Variants in TRRAP observed in about 807,000 individuals in gnomAD.
TRRAP encodes the protein transformation/transcription domain associated protein, also known as transformation/transcription domain-associated protein.
A neutral mutation model predicts 438.8 loss-of-function variants in TRRAP; 41 were observed. The ratio of observed to expected loss-of-function variants is 0.09; its 90% CI spans 0.07 to 0.12. TRRAP has a LOEUF of 0.12. Among genes scored for constraint, TRRAP ranks in the 10% least tolerant of loss-of-function variants. The pLI, the probability that TRRAP is intolerant of heterozygous loss-of-function variation, is 1.00. For missense variants in TRRAP, 3,122 were observed against 5,055.1 expected (o/e 0.62, Z 11.60); for synonymous variants, 1,994 against 1,962.9 (o/e 1.02, Z -0.42).
At position 98,962,395 on chromosome 7, in the gene TRRAP, A is replaced by G; in HGVS notation, c.6797A>G (p.Lys2266Arg). The part of the protein sequence containing the change: ...VIYEGLTNYE[K>R]ATNANPSQLF... ...TATGAAGGGCTCACCAACTACGAGA[A>G]GGCCACCAATGCCAATCCCTCCCAG... The change falls in exon 47 of 73, where the codon AAG becomes AGG. Residue 2266 changes from lysine to arginine, a missense_variant. This residue lies in a region of TRRAP where 992 missense variants were observed against 1,281.2 expected (regional missense o/e 0.77). Transcript: ENST00000456197. The G allele has an allele frequency of 6.2e-7, 1 of 1,614,212 alleles. No homozygotes were observed. The highest frequency in any genetic ancestry group is 8.5e-7 in the Non-Finnish European group (1 of 1,180,032).
chr7:98,915,652 A>G (rs1237049180), intron 18 of TRRAP, 71 bp from the exon 19 acceptor site: 1 of 1,524,572 alleles, frequency 6.6e-7, no homozygotes, highest in East Asian at 2.3e-5. Flanking sequence ...TTACAGTGAC[A>G]CTTTAGAGTC....
intron 22 of TRRAP, among the ~76,000 whole-genome samples, chr7:98,925,888 G>A (rs1554411462): frequency 6.6e-6 from 1 of 152,126 alleles, no homozygotes; most frequent in Non-Finnish European, 1.5e-5. Flanking sequence ...AAATGCACAA[G>A]GAAGTAAAGC....
intron 31 of TRRAP, 136 bp from the exon 32 acceptor site, chr7:98,945,611 T>G: frequency 1.0e-6 from 1 of 972,878 alleles, no homozygotes; most frequent in East Asian, 2.7e-5. Flanking sequence ...CATTTGTTAA[T>G]TACTGTGTGC....
At chr7:98,888,834 A>G (rs1554404356) in intron 3 of TRRAP, among the ~76,000 whole-genome samples, 1 of 152,074 alleles carries the variant, frequency 6.6e-6, no homozygotes. Flanking sequence ...CTGTATCCTT[A>G]GTCTTTTTGT....
At chr7:98,927,028 G>A in intron 22 of TRRAP, 139 bp from the exon 23 acceptor site, 1 of 962,604 alleles carries the variant, frequency 1.0e-6, no homozygotes, top group Non-Finnish European at 1.5e-6. Context: ...AGGTGTTGCT[G>A]AAATTAAAGC....
chr7:98,890,539 CG>C (rs1408893580), intron 4 of TRRAP, 94 bp downstream of exon 4: 9 of 857,502 alleles, frequency 1.0e-5, no homozygotes, highest in African/African-American at 1.8e-5. Context: ...CACTTAAAAA[CG>C]AAAGAGGTTT....
At chr7:98,900,866 C>T (rs1344767783) in intron 11 of TRRAP, 146 bp downstream of exon 11, 1 of 654,406 alleles carries the variant, frequency 1.5e-6, no homozygotes, top group East Asian at 2.9e-5. Context: ...CCATCAACCT[C>T]CAAAATTCCA....
At chr7:98,907,820 T>A (rs1166139738) in intron 13 of TRRAP, among the ~76,000 whole-genome samples, 3 of 149,900 alleles carry the variant, frequency 2.0e-5, no homozygotes, top group Non-Finnish European at 2.9e-5. Flanking sequence ...TCAGCCATGC[T>A]GGCCCCTACA....
intron 30 of TRRAP, among the ~76,000 whole-genome samples, chr7:98,940,118 A>G (rs1337496433): frequency 6.6e-6 from 1 of 151,996 alleles, no homozygotes; most frequent in Non-Finnish European, 1.5e-5. Flanking sequence ...TCCTGACCTC[A>G]AGTGATCCAC....
chr7:98,959,274 G>T (rs550114223), intron 44 of TRRAP, 70 bp from the exon 45 acceptor site: 1 of 1,583,996 alleles, frequency 6.3e-7, no homozygotes, highest in Non-Finnish European at 8.6e-7. Context: ...CAGTTGAGAC[G>T]TGCTGTCACT....
chr7:98,900,705 T>C lies in TRRAP; in HGVS notation c.882T>C (p.Ile294=), dbSNP rs147148619. Residue 294 remains isoleucine, a synonymous_variant, in exon 11 of 73, where the codon ATT becomes ATC. Transcript: ENST00000456197. Reference sequence around the variant, plus strand: ...AAACATTGTCATTTTTAGCTTACATTATCAGGATTTACCAGGTAAGGTCAT... The same window carrying C: ...AAACATTGTCATTTTTAGCTTACATCATCAGGATTTACCAGGTAAGGTCAT... ...QIKTLSFLAY[I]IRIYQELVTK... 1.2e-6 allele frequency: 2 copies of C among 1,613,332 alleles called. No homozygotes were observed. Among genetic ancestry groups the C allele is most frequent in the Non-Finnish European group, 1.7e-6 (2 of 1,179,870 alleles).
At chr7:98,965,614 G>T in intron 48 of TRRAP, 82 bp from the exon 49 acceptor site, 1 of 1,584,568 alleles carries the variant, frequency 6.3e-7, no homozygotes, top group Non-Finnish European at 8.6e-7. Flanking sequence ...GCAGAACCCA[G>T]CATGCCAGGC....
chr7:98,970,103 C>G lies in TRRAP; in HGVS notation c.7513-9C>G, dbSNP rs1314831141. On this transcript the variant is annotated splice_polypyrimidine_tract_variant and intron_variant, in intron 51 of 72. Coordinates refer to ENST00000456197, the MANE Select transcript of TRRAP (RefSeq NM_001375524.1). ...CCTTGGGTCTGTCTCCTTTCCGCAC[C>G]CCTTGCAGCTGCTTCTGGCCGTGTG... The G allele has an allele frequency of 6.2e-7, 1 of 1,613,218 alleles. No homozygotes were observed. Among genetic ancestry groups the G allele is most frequent in the African/African-American group, 1.3e-5 (1 of 74,996 alleles).
At chr7:98,890,260 T>C in intron 3 of TRRAP, 75 bp from the exon 4 acceptor site, 5 of 958,532 alleles carry the variant, frequency 5.2e-6, no homozygotes, top group Middle Eastern at 2.3e-4. Context: ...TCCTTTGCAG[T>C]TATTATAATG....
chr7:98,910,218 G>GCCCCC lies in TRRAP; in HGVS notation c.1517_1518insCCCCC (p.Pro508HisfsTer14). 2.9e-6 allele frequency: 4 copies of GCCCCC among 1,377,624 alleles called. No individual in the cohort carries two copies. Among genetic ancestry groups the GCCCCC allele is most frequent in the Admixed American group, 2.7e-5 (1 of 37,504 alleles). 85.3% of individuals were successfully genotyped at this position (1,377,624 alleles called of 1,614,324 possible). On this transcript the variant is annotated frameshift_variant, in exon 15 of 73. Coordinates refer to ENST00000456197, the MANE Select transcript of TRRAP (RefSeq NM_001375524.1). LOFTEE classifies it high-confidence loss of function. Reference sequence around the variant, plus strand: ...TGCTCCCTCCCCAGCCCCTGTCCCTGCCCCACCTCCACCCCCGCCCCCACC... The same window carrying GCCCCC: ...TGCTCCCTCCCCAGCCCCTGTCCCTGCCCCCCCCCACCTCCACCCCCGCCCCCACC...
chr7:99,005,456 C>A lies in TRRAP; in HGVS notation c.10753+108C>A. Reference sequence around the variant, plus strand: ...GCAGCTCACGTTAGCCTTTGAGGGTCCAGCTGCGTCAGCAGAGAATGTTGT... The same window carrying A: ...GCAGCTCACGTTAGCCTTTGAGGGTACAGCTGCGTCAGCAGAGAATGTTGT... On this transcript the variant is annotated intron_variant, in intron 69 of 72. Coordinates refer to ENST00000456197, the MANE Select transcript of TRRAP (RefSeq NM_001375524.1). The surrounding 1 kb of genome is among the most constrained non-coding windows in gnomAD (Gnocchi z 5.1). 1 of 1,033,616 alleles carries A rather than the reference C, an allele frequency of 9.7e-7. No homozygotes were observed. The highest frequency in any genetic ancestry group is 2.4e-5 in the East Asian group (1 of 41,672). 64.0% of individuals were successfully genotyped at this position (1,033,616 alleles called of 1,614,324 possible). A position where few individuals can be genotyped will look rare whatever the true frequency, so the allele number is the denominator to read the frequency against.
intron 49 of TRRAP, among the ~76,000 whole-genome samples, chr7:98,966,454 G>A (rs904085369): frequency 6.6e-6 from 1 of 151,968 alleles, no homozygotes; most frequent in African/African-American, 2.4e-5. Flanking sequence ...GGAGACCGAG[G>A]CAGGTGGATC....
chr7:98,915,693 C>G (rs373063337), intron 18 of TRRAP, 30 bp from the exon 19 acceptor site: 3 of 1,607,284 alleles, frequency 1.9e-6, no homozygotes, highest in Admixed American at 3.4e-5. Context: ...CATTTAGATG[C>G]CACTAATCTG....
At chr7:98,946,894 A>G (rs1791107323) in intron 33 of TRRAP, among the ~76,000 whole-genome samples, 1 of 152,254 alleles carries the variant, frequency 6.6e-6, no homozygotes, top group South Asian at 2.1e-4. Flanking sequence ...TTATAATTTC[A>G]GGATAGAACT....
Sources: allele counts gnomAD v4.1 joint callset (sites outside exome capture counted in the v4.1 genomes callset), GRCh38; gene constraint gnomAD v4.1.1; regional missense constraint gnomAD v4.1.1; non-coding constraint Gnocchi (gnomAD v3.1); transcripts MANE v1.5; gene names NCBI Gene and HGNC (gene_info 2026-07-23, HGNC 2026-07-21).